STT3B: variants seen among roughly 807,000 people sequenced by gnomAD.
STT3B encodes dolichyl-diphosphooligosaccharide--protein glycosyltransferase subunit STT3B.
In STT3B, 29 loss-of-function variants were observed where a neutral mutation model predicts 96.8. The observed-to-expected ratio is 0.30, with a 90% CI of 0.22 to 0.41. The LOEUF (loss-of-function observed/expected upper bound fraction) is 0.41, where lower values mean the gene tolerates loss of function less well. STT3B is among the 10% of genes least tolerant of loss of function. The pLI is 1.00. For missense variants in STT3B, 640 were observed against 1,022.3 expected, an observed-to-expected ratio of 0.63 and a Z score of 5.10; for synonymous variants, 367 against 360.0, an observed-to-expected ratio of 1.02 and a Z score of -0.22.
chr3:31,604,836 G>A (rs1245662157), intron 5 of STT3B, among the ~76,000 whole-genome samples: 1 of 152,144 alleles, frequency 6.6e-6, no homozygotes, highest in Non-Finnish European at 1.5e-5. Context: ...ATGACATTGA[G>A]GGTAAGAGTA....
chr3:31,591,199 T>G (rs1698655447), intron 3 of STT3B, among the ~76,000 whole-genome samples: 1 of 152,110 alleles, frequency 6.6e-6, no homozygotes, highest in South Asian at 2.1e-4. Flanking sequence ...CCTGGTATAT[T>G]GACCCTTTTA....
intron 3 of STT3B, among the ~76,000 whole-genome samples, chr3:31,589,426 T>C (rs1225721320): frequency 1.3e-5 from 2 of 152,020 alleles, no homozygotes; most frequent in African/African-American, 2.4e-5. Flanking sequence ...TCAGTCTGTG[T>C]ACTTCTTTTC....
rs147141865 is a variant in STT3B at position 31,549,412 on chromosome 3, T to G, written c.314+16100T>G. Among the ~76,000 whole-genome samples, 505 of 152,202 alleles carry G rather than the reference T, an allele frequency of 3.3e-3. 2 individuals carry two copies. The highest frequency in any genetic ancestry group is 0.012 in the African/African-American group (490 of 41,526). ...TGTATACATTGCTTATTTTGAGTGA[T>G]TGTTTTATTTTAGTTTACCTTGTGC... On this transcript the variant is annotated intron_variant, in intron 1 of 15. Coordinates refer to ENST00000295770, the MANE Select transcript of STT3B (RefSeq NM_178862.3).
chr3:31,571,569 G>A (rs1207404284), intron 1 of STT3B, among the ~76,000 whole-genome samples: 5 of 152,216 alleles, frequency 3.3e-5, no homozygotes, highest in African/African-American at 9.6e-5. Flanking sequence ...ACAAGCATGG[G>A]ATCTCATGGC....
chr3:31,544,867 G>T (rs575084521), intron 1 of STT3B, among the ~76,000 whole-genome samples: 1 of 152,146 alleles, frequency 6.6e-6, no homozygotes, highest in South Asian at 2.1e-4. Context: ...AACCCAGGAG[G>T]CAGAGGTTGC....
intron 6 of STT3B, among the ~76,000 whole-genome samples, chr3:31,616,676 G>A (rs1374099941): frequency 6.6e-6 from 1 of 151,536 alleles, no homozygotes; most frequent in Non-Finnish European, 1.5e-5. Context: ...TATTCAAATG[G>A]GATTTTTTTT....
In STT3B at chr3:31,533,121, G is replaced by T; in HGVS notation, c.123G>T (p.Ala41=). 1.5e-6 allele frequency: 2 copies of T among 1,332,960 alleles called. No homozygotes were observed. The highest frequency in any genetic ancestry group is 1.9e-6 in the Non-Finnish European group (2 of 1,042,198). The allele number at this position is 1,332,960 out of a possible 1,614,324, so 82.6% of individuals were successfully genotyped here. Residue 41 remains alanine, a synonymous_variant, in exon 1 of 16, where the codon GCG becomes GCT. Coordinates refer to ENST00000295770, the MANE Select transcript of STT3B (RefSeq NM_178862.3). The part of the protein sequence containing the change: ...HGHHGPGAQC[A]HKAAGGAAPP... ...ACCACGGGCCCGGGGCCCAGTGCGC[G>T]CACAAGGCGGCGGGCGGCGCGGCGC...
intron 2 of STT3B, 65 bp from the exon 3 acceptor site, chr3:31,579,744 A>G (rs1698342554): frequency 2.4e-6 from 3 of 1,251,662 alleles, no homozygotes; most frequent in Non-Finnish European, 3.3e-6. Flanking sequence ...GATGAAGAGT[A>G]CATACATTAA....
chr3:31,547,343 G>A (rs1317926883), intron 1 of STT3B, among the ~76,000 whole-genome samples: 2 of 152,122 alleles, frequency 1.3e-5, no homozygotes, highest in Admixed American at 1.3e-4. Flanking sequence ...ATATTCAAAT[G>A]TTTGCATTAT....
intron 13 of STT3B, among the ~76,000 whole-genome samples, chr3:31,626,763 A>G (rs114051937): frequency 5.1e-4 from 78 of 152,324 alleles, no homozygotes; most frequent in African/African-American, 1.9e-3. Flanking sequence ...TTTAATGAGA[A>G]TTTATAGTAA....
At chr3:31,548,275 CA>C (rs984335281) in intron 1 of STT3B, among the ~76,000 whole-genome samples, 39 of 151,670 alleles carry the variant, frequency 2.6e-4, no homozygotes, top group Admixed American at 9.9e-4. Flanking sequence ...AGTAGTTTGG[CA>C]AAAAGATTTC....
chr3:31,624,048 CTT>C (rs1218261057), intron 11 of STT3B, among the ~76,000 whole-genome samples, 187 bp downstream of exon 11: 2 of 152,226 alleles, frequency 1.3e-5, no homozygotes, highest in Middle Eastern at 3.4e-3. Flanking sequence ...CTATTTATGT[CTT>C]TTGATACAGG....
At chr3:31,627,930 A>G (rs1699569109) in intron 13 of STT3B, among the ~76,000 whole-genome samples, 1 of 152,112 alleles carries the variant, frequency 6.6e-6, no homozygotes, top group South Asian at 2.1e-4. Context: ...AAAGTATAAG[A>G]GGATATACAA....
At chr3:31,595,731 T>C (rs1409784939) in intron 3 of STT3B, among the ~76,000 whole-genome samples, 3 of 152,210 alleles carry the variant, frequency 2.0e-5, no homozygotes, top group Admixed American at 6.5e-5. Flanking sequence ...TGTGAGCTTT[T>C]TGTGGGCTTA....
chr3:31,609,094 A>T (rs1204332657), intron 5 of STT3B, among the ~76,000 whole-genome samples: 1 of 152,250 alleles, frequency 6.6e-6, no homozygotes, highest in Admixed American at 6.5e-5. Context: ...CAGCCTGGCG[A>T]CAGAAAAAGA....
At chr3:31,588,121 T>C (rs572739498) in intron 3 of STT3B, among the ~76,000 whole-genome samples, 3 of 152,174 alleles carry the variant, frequency 2.0e-5, no homozygotes, top group African/African-American at 7.2e-5. Context: ...CAAGCACAAG[T>C]GGAATTCAGT....
intron 1 of STT3B, among the ~76,000 whole-genome samples, chr3:31,566,934 A>G (rs909931426): frequency 6.6e-6 from 1 of 152,234 alleles, no homozygotes; most frequent in Non-Finnish European, 1.5e-5. Flanking sequence ...TGAAAACATG[A>G]TTATTACCTT....
chr3:31,614,810 T>C (rs2125471646), intron 5 of STT3B, among the ~76,000 whole-genome samples: 2 of 152,028 alleles, frequency 1.3e-5, no homozygotes, highest in Middle Eastern at 6.8e-3. Flanking sequence ...GAATGATTGC[T>C]AATGGTAGAT....
chr3:31,602,877 C>G (rs565741007), intron 5 of STT3B, among the ~76,000 whole-genome samples: 1 of 151,952 alleles, frequency 6.6e-6, no homozygotes, highest in Non-Finnish European at 1.5e-5. Flanking sequence ...GATTTCTAGT[C>G]TGCTTTCTTA....
Sources: gnomAD v4.1 joint callset for allele counts (sites outside exome capture counted in the v4.1 genomes callset) on GRCh38, gnomAD v4.1.1 for gene constraint, MANE v1.5 for transcripts, NCBI Gene and HGNC (gene_info 2026-07-23, HGNC 2026-07-21) for gene names.